Variants in MAL observed in about 807,000 individuals in gnomAD.
MAL encodes the protein myelin and lymphocyte protein.
MAL carries 5 observed loss-of-function variants against 16.7 expected under a neutral mutation model. That is an observed-to-expected ratio of 0.30 (90% CI 0.16 to 0.63). MAL has a LOEUF of 0.63. Among genes scored for constraint, MAL ranks in the 30% least tolerant of loss-of-function variants. MAL has a pLI of 0.82. For missense variants in MAL, 202 were observed against 195.8 expected, an observed-to-expected ratio of 1.03 and a Z score of -0.19; for synonymous variants, 96 against 85.5, an observed-to-expected ratio of 1.12 and a Z score of -0.67.
intron 1 of MAL, among the ~76,000 whole-genome samples, chr2:95,037,019 G>C (rs1476265818): frequency 1.3e-5 from 2 of 151,868 alleles, no homozygotes; most frequent in Non-Finnish European, 1.5e-5. Flanking sequence ...GTTACTGAGT[G>C]AGTGAATGAG....
chr2:95,052,462 A>T (rs1261389800), intron 3 of MAL, among the ~76,000 whole-genome samples: 2 of 152,234 alleles, frequency 1.3e-5, no homozygotes, highest in African/African-American at 4.8e-5. Flanking sequence ...CACCGCCTCC[A>T]GGCAATGAGG....
rs149416032 is a variant in MAL, at chr2:95,049,703, C to T, written c.384C>T (p.Ala128=). The T allele has an allele frequency of 8.2e-5, 132 of 1,614,164 alleles. No individual in the cohort carries two copies. The highest frequency in any genetic ancestry group is 1.3e-4 in the South Asian group (12 of 91,066). ...GGCACTACCATGAAAACATTGCTGC[C>T]GTGGTGAGTCCGGGCACCTGGGGCT... ...TYRHYHENIA[A]VVFSYIATLL... Residue 128 remains alanine (A), a synonymous_variant, in exon 3 of 4, where the codon GCC becomes GCT. Coordinates refer to ENST00000309988, the MANE Select transcript of MAL (RefSeq NM_002371.4).
intron 1 of MAL, among the ~76,000 whole-genome samples, chr2:95,038,249 T>A (rs1674304352): frequency 6.7e-6 from 1 of 149,236 alleles, no homozygotes; most frequent in African/African-American, 2.5e-5. Flanking sequence ...AGTGTGTGAG[T>A]GACTGACTGA....
intron 1 of MAL, among the ~76,000 whole-genome samples, chr2:95,036,684 A>G (rs1376024122): frequency 6.6e-6 from 1 of 152,174 alleles, no homozygotes; most frequent in African/African-American, 2.4e-5. Flanking sequence ...TGACTAACTG[A>G]GTGACTGAGT....
Position 95,025,765 on chromosome 2 carries a change from G to C in MAL, c.-28G>C, listed in dbSNP as rs1216570958. On this transcript the variant is annotated 5_prime_UTR_variant, in exon 1 of 4. Transcript: ENST00000309988. This position sits in a 1 kb window ranked among gnomAD's most constrained non-coding sequence, Gnocchi z 5.6. Reference sequence around the variant, plus strand: ...GCGGAGTCTGAGCGGCGCTCGTCCCGTCCCAAGGCCGACGCCAGCACGCCG... The same window carrying C: ...GCGGAGTCTGAGCGGCGCTCGTCCCCTCCCAAGGCCGACGCCAGCACGCCG... 2.0e-6 allele frequency: 3 copies of C among 1,499,578 alleles called. No individual in the cohort carries two copies. The highest frequency in any genetic ancestry group is 2.1e-5 in the Admixed American group (1 of 47,228). 92.9% of individuals were successfully genotyped at this position (1,499,578 alleles called of 1,614,324 possible).
chr2:95,033,762 A>T (rs867767680), intron 1 of MAL, among the ~76,000 whole-genome samples: 2 of 152,204 alleles, frequency 1.3e-5, no homozygotes, highest in Middle Eastern at 3.4e-3. Context: ...TGGGTGACAG[A>T]GTGAGAACCT....
intron 1 of MAL, among the ~76,000 whole-genome samples, chr2:95,040,377 A>ATGTACACACAAG (rs1674431003): frequency 6.6e-6 from 1 of 151,994 alleles, no homozygotes; most frequent in Non-Finnish European, 1.5e-5. Context: ...ACATGCATGC[A>ATGTACACACAAG]CATATACACA....
chr2:95,053,191 T>C (rs1674755389), intron 3 of MAL, 190 bp from the exon 4 acceptor site: 2 of 592,256 alleles, frequency 3.4e-6, no homozygotes, highest in Admixed American at 5.6e-5. Context: ...CACATGGAGC[T>C]CTGTACTGAG....
intron 1 of MAL, among the ~76,000 whole-genome samples, chr2:95,036,302 C>G (rs954199633): frequency 6.6e-6 from 1 of 152,198 alleles, no homozygotes; most frequent in Admixed American, 6.5e-5. Flanking sequence ...TCGGACCCCT[C>G]CCCCGATCTC....
intron 1 of MAL, among the ~76,000 whole-genome samples, chr2:95,029,304 C>T (rs1674021343): frequency 6.6e-6 from 1 of 152,254 alleles, no homozygotes; most frequent in Non-Finnish European, 1.5e-5. Context: ...GTGGTGTTCA[C>T]TTCCAAGCAC....
intron 1 of MAL, among the ~76,000 whole-genome samples, chr2:95,036,224 CA>C (rs774166861): frequency 6.6e-6 from 1 of 152,168 alleles, no homozygotes; most frequent in Non-Finnish European, 1.5e-5. Context: ...GTAGCAGTCC[CA>C]GGGGTCAGAC....
intron 1 of MAL, among the ~76,000 whole-genome samples, chr2:95,042,635 G>A (rs1273218021): frequency 1.3e-5 from 2 of 152,210 alleles, no homozygotes; most frequent in Non-Finnish European, 2.9e-5. Flanking sequence ...CAGCTGTGGG[G>A]TCGGAGGAAG....
At chr2:95,041,359 G>C (rs1172014387) in intron 1 of MAL, among the ~76,000 whole-genome samples, 2 of 152,120 alleles carry the variant, frequency 1.3e-5, no homozygotes, top group Admixed American at 6.6e-5. Flanking sequence ...GAGACCATAG[G>C]TTTTCTCTTT....
rs139989847 is a variant in MAL, at chr2:95,053,381, G to C, written c.388G>C (p.Val130Leu). 1 of 1,610,042 alleles carries C rather than the reference G, an allele frequency of 6.2e-7. No homozygotes were observed. ...RHYHENIAAVVFSYIATLLYV... is the reference protein window; with the variant it reads ...RHYHENIAAVLFSYIATLLYV... The stretch of plus-strand genomic sequence containing the variant: ...TAACGGCCATTTCTCTTGGTTCCAG[G>C]TGTTCTCCTACATAGCCACTCTGCT... The change falls in exon 4 of 4, where the codon GTG becomes CTG. Residue 130 changes from valine to leucine, a missense_variant and splice_region_variant. Val to Leu is a conservative substitution (Grantham distance 32). Coordinates refer to ENST00000309988, the MANE Select transcript of MAL (RefSeq NM_002371.4).
intron 1 of MAL, among the ~76,000 whole-genome samples, chr2:95,039,669 G>A (rs1219731047): frequency 6.8e-6 from 1 of 146,780 alleles, no homozygotes; most frequent in Admixed American, 6.8e-5. Context: ...GAGTGAGTGA[G>A]GACTGAGTGA....
At chr2:95,046,047 C>G (rs977411056) in intron 1 of MAL, among the ~76,000 whole-genome samples, 3 of 152,206 alleles carry the variant, frequency 2.0e-5, no homozygotes, top group African/African-American at 7.2e-5. Context: ...TCCTTAGGGA[C>G]AACTTGGTTT....
At position 95,041,242 on chromosome 2, in the gene MAL, T is replaced by C. The variant is rs1327663191; in HGVS notation, c.94-6717T>C. Among the ~76,000 whole-genome samples the C allele has an allele frequency of 5.3e-5, 8 of 152,308 alleles. No homozygotes were observed. The South Asian group carries it at 1.7e-3, about 32-fold the overall frequency. ...ATGTGCCAGAGAATGCGTCTTCCCG[T>C]CCTTGATGACCAGGCCCGTTGTTGG... On this transcript the variant is annotated intron_variant, in intron 1 of 3. Transcript: ENST00000309988.
At chr2:95,039,642 GTGAC>G (rs1469750911) in intron 1 of MAL, among the ~76,000 whole-genome samples, 2 of 150,822 alleles carry the variant, frequency 1.3e-5, no homozygotes, top group African/African-American at 4.9e-5. Context: ...GACTGAGTGA[GTGAC>G]TGAGTGAGGA....
intron 2 of MAL, among the ~76,000 whole-genome samples, chr2:95,049,097 C>G (rs1052489166): frequency 1.3e-5 from 2 of 152,202 alleles, no homozygotes; most frequent in Non-Finnish European, 1.5e-5. Flanking sequence ...GGATTACAGT[C>G]ATGAGCCACC....
Sources: gnomAD v4.1 joint callset for allele counts (sites outside exome capture counted in the v4.1 genomes callset) on GRCh38, gnomAD v4.1.1 for gene constraint, Gnocchi (gnomAD v3.1) non-coding constraint, MANE v1.5 for transcripts, NCBI Gene and HGNC (gene_info 2026-07-23, HGNC 2026-07-21) for gene names.